Variants in SPDYE2 observed in about 807,000 individuals in gnomAD.
The protein encoded by SPDYE2 is speedy/RINGO cell cycle regulator family member E2.
For missense variants in SPDYE2, 1 was observed against 121.0 expected (o/e 0.01, Z 4.65); for synonymous variants, 2 against 45.1 (o/e 0.04, Z 3.83).
At chr7:102,555,303 A>AGG (rs1333265314) in intron 3 of SPDYE2, among the ~76,000 whole-genome samples, 1 of 128,784 alleles carries the variant, frequency 7.8e-6, no homozygotes, top group Non-Finnish European at 1.7e-5. Flanking sequence ...GCACATGAGG[A>AGG]GGGTGTGTGG....
At chr7:102,563,121 G>A (rs1459416351) in exon 9 of SPDYE2, 1 of 147,582 alleles carries the variant, frequency 6.8e-6, no homozygotes, top group Non-Finnish European at 1.5e-5. Context: ...CTGTGTGATG[G>A]ATATTATAAC....
intron 3 of SPDYE2, 133 bp from the exon 4 acceptor site, chr7:102,555,765 CAG>C: frequency 1.2e-6 from 1 of 867,946 alleles, no homozygotes; most frequent in Non-Finnish European, 1.6e-6. Flanking sequence ...AGGAGACAGA[CAG>C]AAGGAAAGAT....
At chr7:102,554,968 TG>T (rs1390529767) in intron 3 of SPDYE2, among the ~76,000 whole-genome samples, 1 of 131,300 alleles carries the variant, frequency 7.6e-6, no homozygotes, top group Non-Finnish European at 1.7e-5. Flanking sequence ...GAAGGCCAGG[TG>T]TGGTAGCTCA....
exon 9 of SPDYE2, chr7:102,563,013 A>T (rs1466791427): frequency 1.9e-4 from 29 of 148,718 alleles, no homozygotes; most frequent in African/African-American, 6.8e-4. Context: ...AATATTTATT[A>T]AATATATTTA....
downstream of SPDYE2, chr7:102,564,456 A>G (rs1374467542): frequency 6.8e-6 from 1 of 146,436 alleles, no homozygotes; most frequent in East Asian, 2.0e-4. Context: ...TCGTTCCTGC[A>G]GCAGTTAAAG....
downstream of SPDYE2, chr7:102,564,585 C>A (rs1265176677): frequency 2.7e-5 from 4 of 148,778 alleles, no homozygotes; most frequent in African/African-American, 9.7e-5. Flanking sequence ...TAGCTCACTG[C>A]GGCCTCAGAC....
chr7:102,553,737 A>AAG (rs1365241848), intron 2 of SPDYE2, among the ~76,000 whole-genome samples: 4 of 36,888 alleles, frequency 1.1e-4, no homozygotes, highest in African/African-American at 1.8e-4. Flanking sequence ...AAAAAGAAAA[A>AAG]AAAGAAAAGA....
chr7:102,554,805 G>A lies in SPDYE2; in HGVS notation c.379+228G>A, dbSNP rs577687280. ...GATGAGAAAGCTTGGTTTCGGGCCAGGTGCAGTGGCTCATGCCTGAGATGC... is the reference window on the plus strand; with the variant it reads ...GATGAGAAAGCTTGGTTTCGGGCCAAGTGCAGTGGCTCATGCCTGAGATGC... On this transcript the variant is annotated intron_variant, in intron 3 of 8. Coordinates refer to ENST00000507918, the Ensembl canonical transcript of SPDYE2. 2.6e-5 allele frequency among the ~76,000 whole-genome samples: 3 copies of A among 117,124 alleles called. No homozygotes were observed. The South Asian group carries it at 7.5e-4, about 29-fold the overall frequency. 76.8% of individuals were successfully genotyped at this position (117,124 alleles called of 152,430 possible). A position where few individuals can be genotyped will look rare whatever the true frequency, so the allele number is the denominator to read the frequency against.
chr7:102,555,232 CAAAAAA>C (rs1219322377), intron 3 of SPDYE2, among the ~76,000 whole-genome samples: 1 of 52,216 alleles, frequency 1.9e-5, no homozygotes, highest in South Asian at 7.9e-4. Context: ...GACGCTGTCT[CAAAAAA>C]AAAAAAAAAA....
intron 5 of SPDYE2, among the ~76,000 whole-genome samples, chr7:102,557,484 T>TC (rs1800839535): frequency 8.5e-6 from 1 of 117,570 alleles, no homozygotes; most frequent in Non-Finnish European, 1.7e-5. Flanking sequence ...TGCCTCAGCC[T>TC]CCAAGCAGCT....
intron 3 of SPDYE2, among the ~76,000 whole-genome samples, chr7:102,555,633 C>CAAAA (rs1203194591): frequency 2.6e-5 from 1 of 39,068 alleles, no homozygotes; most frequent in Non-Finnish European, 4.9e-5. Flanking sequence ...ACAACAACAA[C>CAAAA]AAAAAAAAAA....
At chr7:102,555,465 G>C (rs1217051853) in intron 3 of SPDYE2, among the ~76,000 whole-genome samples, 1 of 118,726 alleles carries the variant, frequency 8.4e-6, no homozygotes, top group Non-Finnish European at 1.9e-5. Flanking sequence ...GCACAAAAAT[G>C]AGCTGGGCGT....
chr7:102,554,790 C>A, intron 3 of SPDYE2, among the ~76,000 whole-genome samples: 1 of 123,442 alleles, frequency 8.1e-6, no homozygotes, highest in African/African-American at 2.8e-5. Context: ...GATGAGAAAG[C>A]TTGGTTTCGG....
intron 3 of SPDYE2, among the ~76,000 whole-genome samples, chr7:102,555,639 A>C (rs1297469843): frequency 7.6e-5 from 7 of 91,680 alleles, no homozygotes; most frequent in East Asian, 3.2e-4. Flanking sequence ...ACAACAAAAA[A>C]AAAAAAAAAA....
downstream of SPDYE2, chr7:102,565,200 T>C (rs1801016281): frequency 2.2e-5 from 2 of 92,778 alleles, no homozygotes; most frequent in Non-Finnish European, 2.9e-5. Flanking sequence ...ATTCACAGAA[T>C]GCAGAAAAGC....
chr7:102,563,064 T>C (rs1800936363), exon 9 of SPDYE2: 1 of 149,122 alleles, frequency 6.7e-6, no homozygotes, highest in Non-Finnish European at 1.5e-5. Flanking sequence ...TTATTTTAAA[T>C]ATTTTGGAAA....
chr7:102,562,754 TATG>T (rs1800914714), exon 9 of SPDYE2: 2 of 115,476 alleles, frequency 1.7e-5, no homozygotes, highest in Admixed American at 9.7e-5. Context: ...TCTTTTTATC[TATG>T]ATACTTCCAT....
chr7:102,557,347 T>G (rs1188639642), intron 5 of SPDYE2, 125 bp downstream of exon 5: 168,634 of 792,478 alleles, frequency 0.21, 6,683 homozygotes, highest in Admixed American at 0.3. Context: ...TTTTTTTTTT[T>G]TTTTTGTGTG....
At chr7:102,555,069 C>T (rs1220338993) in intron 3 of SPDYE2, among the ~76,000 whole-genome samples, 1 of 141,820 alleles carries the variant, frequency 7.1e-6, no homozygotes, top group Non-Finnish European at 1.6e-5. Context: ...ATAGCGAAAC[C>T]TCATTTATAC....
Sources: gnomAD v4.1 joint callset for allele counts (sites outside exome capture counted in the v4.1 genomes callset) on GRCh38, gnomAD v4.1.1 for gene constraint, MANE v1.5 for transcripts, NCBI Gene and HGNC (gene_info 2026-07-23, HGNC 2026-07-21) for gene names.